The following ESPN variants were observed in gnomAD, a reference collection of about 807,000 sequenced individuals.
ESPN encodes autosomal recessive deafness type 36 protein.
Under a neutral mutation model 77.7 loss-of-function variants are expected in ESPN, and 68 were observed. The observed-to-expected ratio is 0.87, with a 90% confidence interval of 0.72 to 1.07. The LOEUF (loss-of-function observed/expected upper bound fraction) is 1.07. Among genes scored for constraint, ESPN ranks in the 50% least tolerant of loss-of-function variants. ESPN has a pLI of 0.00. For missense variants in ESPN, 1,060 were observed against 1,239.0 expected (o/e 0.86, Z 2.17); for synonymous variants, 449 against 567.1 (o/e 0.79, Z 2.96).
chr1:6,446,089 A>G (rs1643827597), intron 7 of ESPN, among the ~76,000 whole-genome samples, 154 bp downstream of exon 7: 1 of 152,006 alleles, frequency 6.6e-6, no homozygotes, highest in Admixed American at 6.5e-5. Context: ...CGAGTCCCAC[A>G]AGGGGTCAGG....
rs182103020 is a variant in ESPN at position 6,434,426 on chromosome 1, C to A, written c.489-5828C>A. On this transcript the variant is annotated intron_variant, in intron 2 of 12. Transcript: ENST00000645284. The stretch of plus-strand genomic sequence containing the variant: ...GCTTTGTCTTCCCGGCTCTGTATGC[C>A]CAGAGCCTGACTCCAGTAAACGTCT... 7.0e-4 allele frequency among the ~76,000 whole-genome samples: 106 copies of A among 152,278 alleles called. 1 individual carries two copies. The East Asian group carries it at 0.018, about 26-fold the overall frequency.
rs746963002 is a variant in ESPN, at chr1:6,459,992, G to A, written c.2418-7G>A. On this transcript the variant is annotated splice_region_variant and splice_polypyrimidine_tract_variant and intron_variant, in intron 12 of 12. Transcript: ENST00000645284. ...CACCGGGTCTGCCCCCCTCCCCACT[G>A]CCTCAGGAAAGAGGAGGAGCGACAG... 6 of 1,613,282 alleles carry A rather than the reference G, an allele frequency of 3.7e-6. No homozygotes were observed.
chr1:6,460,836 GA>G lies in ESPN; in HGVS notation c.*691del. The G allele has an allele frequency of 3.7e-6, 1 of 267,792 alleles. No individual in the cohort carries two copies. The highest frequency in any genetic ancestry group is 5.2e-5 in the Admixed American group (1 of 19,406). The allele number at this position is 267,792 out of a possible 1,614,324, so 16.6% of individuals were successfully genotyped here. On this transcript the variant is annotated 3_prime_UTR_variant, in exon 13 of 13. Transcript: ENST00000645284. ...CACTGCCCCGGTGGAGTGAATAGAG[GA>G]TGAGGGGCCCTGACCCTGTGTCTCC... is the stretch of plus-strand genomic sequence containing the variant.
intron 12 of ESPN, among the ~76,000 whole-genome samples, chr1:6,457,743 CAGTG>C (rs1644082139): frequency 6.6e-6 from 1 of 152,172 alleles, no homozygotes; most frequent in African/African-American, 2.4e-5. Context: ...CTAGTAGCCA[CAGTG>C]AAAATGTAGA....
At chr1:6,430,114 G>T (rs1018237756) in intron 2 of ESPN, among the ~76,000 whole-genome samples, 1 of 152,244 alleles carries the variant, frequency 6.6e-6, no homozygotes, top group African/African-American at 2.4e-5. Context: ...GGATATGAGG[G>T]CTGGGAGCTG....
intron 12 of ESPN, among the ~76,000 whole-genome samples, chr1:6,458,313 T>A (rs1644090638): frequency 7.2e-6 from 1 of 139,554 alleles, no homozygotes; most frequent in African/African-American, 2.7e-5. Context: ...CCACCAAGTC[T>A]GGCTTTTTTC....
rs534206493 is a variant in ESPN at position 6,435,177 on chromosome 1, A to T, written c.489-5077A>T. On this transcript the variant is annotated intron_variant, in intron 2 of 12. Transcript: ENST00000645284. ...TTGACTGGAGGACACCGAGAGCCAT[A>T]GAGCCACCATAGGCTCGGTGAATTT... 1.0e-3 allele frequency among the ~76,000 whole-genome samples: 158 copies of T among 152,174 alleles called. 1 individual carries two copies. Among genetic ancestry groups the T allele is most frequent in the Non-Finnish European group, 6.8e-4 (46 of 68,012 alleles).
At chr1:6,439,111 CAAAAA>C (rs901927916) in intron 2 of ESPN, among the ~76,000 whole-genome samples, 7 of 151,946 alleles carry the variant, frequency 4.6e-5, no homozygotes, top group Non-Finnish European at 1.5e-5. Context: ...GACTCCGTCT[CAAAAA>C]TAAAAATAAA....
chr1:6,461,260 T>G (rs1000130641), downstream of ESPN: 9 of 844,570 alleles, frequency 1.1e-5, no homozygotes, highest in East Asian at 1.3e-4. The surrounding 1 kb of genome is among the most constrained non-coding windows in gnomAD (Gnocchi z 6.3). Flanking sequence ...CGTTCGTGCT[T>G]CTTCGCCTTG....
chr1:6,457,249 G>C lies in ESPN; in HGVS notation c.2391G>C (p.Lys797Asn), dbSNP rs1481019117. ...PAWRRDLLRK[K>N]LEEEREQKRK... Reference sequence around the variant, plus strand: ...GGAGGCGGGACCTCCTGCGGAAGAAGCTGGAAGAAGAGAGGTGAGCTGGGG... The same window carrying C: ...GGAGGCGGGACCTCCTGCGGAAGAACCTGGAAGAAGAGAGGTGAGCTGGGG... The change falls in exon 11 of 13, where the codon AAG becomes AAC. Residue 797 changes from lysine to asparagine, a missense_variant. By Grantham distance (94) the Lys-to-Asn change is moderately conservative (BLOSUM62 0). Coordinates refer to ENST00000645284, the MANE Select transcript of ESPN (RefSeq NM_031475.3). The C allele has an allele frequency of 1.2e-6, 2 of 1,613,894 alleles. No homozygotes were observed. Among genetic ancestry groups the C allele is most frequent in the Non-Finnish European group, 1.7e-6 (2 of 1,179,910 alleles).
chr1:6,445,298 C>T lies in ESPN; in HGVS notation c.1193-366C>T, dbSNP rs184745624. On this transcript the variant is annotated intron_variant, in intron 6 of 12. Coordinates refer to ENST00000645284, the MANE Select transcript of ESPN (RefSeq NM_031475.3). ...CCGTCCACTTGCAATGCCTGCTTCA[C>T]GCCGCCAGATGGTGGCCTCCAGACC... is the stretch of plus-strand genomic sequence containing the variant. Among the ~76,000 whole-genome samples, 24 of 152,390 alleles carry T rather than the reference C, an allele frequency of 1.6e-4. No individual in the cohort carries two copies. The East Asian group carries it at 3.5e-3, about 22-fold the overall frequency.
chr1:6,451,635 G>A lies in ESPN; in HGVS notation c.1948G>A (p.Gly650Ser). ...TKSFNMMSPT[G>S]DNSELLAEIK... ...GTCTTTCAACATGATGTCCCCGACG[G>A]GCGACAACTCGGAGCTACTGGCTGA... is the stretch of plus-strand genomic sequence containing the variant. The change falls in exon 9 of 13, where the codon GGC (glycine) becomes AGC (serine). Residue 650 changes from glycine (G) to serine (S), a missense_variant. By Grantham distance (56) the Gly-to-Ser change is moderately conservative. Coordinates refer to ENST00000645284, the MANE Select transcript of ESPN (RefSeq NM_031475.3). This position sits in a 1 kb window ranked among gnomAD's most constrained non-coding sequence, Gnocchi z 4.3. 4.3e-6 allele frequency: 7 copies of A among 1,613,258 alleles called. No homozygotes were observed. Among genetic ancestry groups the A allele is most frequent in the Non-Finnish European group, 5.9e-6 (7 of 1,179,934 alleles).
At position 6,428,740 on chromosome 1, in the gene ESPN, C is replaced by T. The variant is rs1643132721; in HGVS notation, c.488+321C>T. Among the ~76,000 whole-genome samples the T allele has an allele frequency of 6.6e-6, 1 of 152,206 alleles. No homozygotes were observed. Among genetic ancestry groups the T allele is most frequent in the South Asian group, 2.1e-4 (1 of 4,836 alleles). On this transcript the variant is annotated intron_variant, in intron 2 of 12. Transcript: ENST00000645284. This position sits in a 1 kb window ranked among gnomAD's most constrained non-coding sequence, Gnocchi z 5.4. The stretch of plus-strand genomic sequence containing the variant: ...TGTTCCCCTTGGGCTGCTTCTGCCG[C>T]AGGGGCTCTCTCTGGCTCAGGCTGT...
At position 6,448,780 on chromosome 1, in the gene ESPN, C is replaced by G. The variant is rs1028888897; in HGVS notation, c.1604C>G (p.Pro535Arg). 1 of 1,431,994 alleles carries G rather than the reference C, an allele frequency of 7.0e-7. No individual in the cohort carries two copies. Among genetic ancestry groups the G allele is most frequent in the African/African-American group, 1.5e-5 (1 of 67,150 alleles). The allele number at this position is 1,431,994 out of a possible 1,614,324, so 88.7% of individuals were successfully genotyped here. ...CCCGGCGAGACGCTGGCCGCACGCC[C>G]GGGCATGGCGCACAGCGAGGAGGTG... ...RCPGETLAAR[P>R]GMAHSEEVRA... The change falls in exon 8 of 13, where the codon CCG (proline) becomes CGG (arginine). Residue 535 changes from proline (P) to arginine (R), a missense_variant. Physicochemically the swap from Pro to Arg is moderately radical, Grantham distance 103. Around this residue, in one of 3 missense-constraint regions of ESPN, gnomAD observed 130 missense variants for 223.9 expected, o/e 0.58. Coordinates refer to ENST00000645284, the MANE Select transcript of ESPN (RefSeq NM_031475.3).
At position 6,451,508 on chromosome 1, in the gene ESPN, T is replaced by C; in HGVS notation, c.1916-95T>C. ...GCCCGGAGGATGGGCACCCATCCAA[T>C]CTTGGCTTAGGAAAGGGGCTGCAGA... On this transcript the variant is annotated intron_variant, in intron 8 of 12. Transcript: ENST00000645284. This position sits in a 1 kb window ranked among gnomAD's most constrained non-coding sequence, Gnocchi z 4.3. The C allele has an allele frequency of 6.5e-7, 1 of 1,527,662 alleles. No individual in the cohort carries two copies. Among genetic ancestry groups the C allele is most frequent in the Middle Eastern group, 2.1e-4 (1 of 4,744 alleles). 94.6% of individuals were successfully genotyped at this position (1,527,662 alleles called of 1,614,324 possible). A position where few individuals can be genotyped will look rare whatever the true frequency, so the allele number is the denominator to read the frequency against.
At chr1:6,426,431 C>T (rs938137710) in intron 1 of ESPN, among the ~76,000 whole-genome samples, 4 of 151,838 alleles carry the variant, frequency 2.6e-5, no homozygotes, top group Non-Finnish European at 5.9e-5. Flanking sequence ...TTGGGCCCAG[C>T]TTATCGTCTC....
rs776413333 is a variant in ESPN, at chr1:6,452,037, C to G, written c.2266C>G (p.Gln756Glu). 122 of 1,585,110 alleles carry G rather than the reference C, an allele frequency of 7.7e-5. No homozygotes were observed. In the Admixed American group the frequency reaches 1.9e-3, roughly 25 times the overall value. The stretch of plus-strand genomic sequence containing the variant: ...CCGGCCCATCCCCGAGTGGAAGCGC[C>G]AGGTGATGGTGCGCAAGATGCAGCT... ...QGRPIPEWKR[Q>E]VMVRKMQLKM... is the part of the protein sequence containing the mutation. The change falls in exon 10 of 13, where the codon CAG becomes GAG. Residue 756 changes from glutamine (Q) to glutamate (E), a missense_variant. Around this residue, in one of 3 missense-constraint regions of ESPN, gnomAD observed 374 missense variants for 381.4 expected, o/e 0.98. Transcript: ENST00000645284.
At chr1:6,435,385 C>T (rs1295223416) in intron 2 of ESPN, among the ~76,000 whole-genome samples, 1 of 152,258 alleles carries the variant, frequency 6.6e-6, no homozygotes, top group Non-Finnish European at 1.5e-5. Flanking sequence ...TGGCACCAGT[C>T]TCCGCCGGAG....
chr1:6,456,375 G>A, intron 10 of ESPN: 1 of 379,578 alleles, frequency 2.6e-6, no homozygotes, highest in Non-Finnish European at 4.7e-6. Context: ...GTGGCGGGCT[G>A]TGGGGCGTTG....
Sources: allele counts gnomAD v4.1 joint callset (sites outside exome capture counted in the v4.1 genomes callset), GRCh38; gene constraint gnomAD v4.1.1; regional missense constraint gnomAD v4.1.1; non-coding constraint Gnocchi (gnomAD v3.1); transcripts MANE v1.5; gene names NCBI Gene and HGNC (gene_info 2026-07-23, HGNC 2026-07-21).